CNTNAP4: variants seen among roughly 807,000 people sequenced by gnomAD.
The protein encoded by CNTNAP4 is contactin associated protein family member 4.
A neutral mutation model predicts 148.4 loss-of-function variants in CNTNAP4; 98 were observed. The ratio of observed to expected loss-of-function variants is 0.66; its 90% CI spans 0.56 to 0.78. The LOEUF is 0.78. Ranked by LOEUF, CNTNAP4 falls within the 30% of genes least tolerant of loss-of-function variation. The pLI, the probability that CNTNAP4 is intolerant of heterozygous loss-of-function variation, is 0.00. For synonymous variants in CNTNAP4, 730 were observed against 565.1 expected, an observed-to-expected ratio of 1.29 and a Z score of -4.14; for missense variants, 1,935 against 1,565.6, an observed-to-expected ratio of 1.24 and a Z score of -3.98.
chr16:76,475,764 G>T (rs762037490), intron 10 of CNTNAP4, among the ~76,000 whole-genome samples, 175 bp from the exon 11 acceptor site: 5 of 152,186 alleles, frequency 3.3e-5, no homozygotes, highest in Non-Finnish European at 5.9e-5. Context: ...GAAATCTGAT[G>T]AATTTATTGA....
At chr16:76,414,827 G>A (rs540780715) in intron 3 of CNTNAP4, among the ~76,000 whole-genome samples, 368 of 151,390 alleles carry the variant, frequency 2.4e-3, no homozygotes, top group African/African-American at 8.5e-3. Context: ...ACTCTAATGT[G>A]TATAGGATCA....
intron 15 of CNTNAP4, among the ~76,000 whole-genome samples, chr16:76,513,290 A>T (rs1214495639): frequency 6.6e-6 from 1 of 152,242 alleles, no homozygotes; most frequent in East Asian, 1.9e-4. Context: ...AAAGTTAAAG[A>T]ATGAGAAATG....
chr16:76,351,992 C>G (rs922314781), intron 2 of CNTNAP4, among the ~76,000 whole-genome samples: 1 of 152,104 alleles, frequency 6.6e-6, no homozygotes, highest in African/African-American at 2.4e-5. Context: ...TAGACCATTA[C>G]AATTAACTAG....
At chr16:76,361,398 C>A (rs1028740460) in intron 3 of CNTNAP4, among the ~76,000 whole-genome samples, 11 of 152,100 alleles carry the variant, frequency 7.2e-5, no homozygotes, top group African/African-American at 2.2e-4. Flanking sequence ...TGGCAACATG[C>A]ATTATTTGTT....
At position 76,494,915 on chromosome 16, in the gene CNTNAP4, A is replaced by G; in HGVS notation, c.2086A>G (p.Thr696Ala). 6.2e-7 allele frequency: 1 copy of G among 1,612,450 alleles called. No homozygotes were observed. The highest frequency in any genetic ancestry group is 8.5e-7 in the Non-Finnish European group (1 of 1,179,000). The stretch of plus-strand genomic sequence containing the variant: ...TTTTCACGTTTTTCTTTCAGATGGA[A>G]CCCCTCTGAGTTGGTGGGTAGGAAG... ...KSRLVNKQDG[T>A]PLSWWVGRTN... is the part of the protein sequence containing the mutation. Residue 696 changes from threonine (T) to alanine (A), a missense_variant, in exon 14 of 24, where the codon ACC (threonine) becomes GCC (alanine). Thr to Ala is a moderately conservative substitution (Grantham distance 58). Coordinates refer to ENST00000611870, the MANE Select transcript of CNTNAP4 (RefSeq NM_033401.5).
chr16:76,352,052 C>G (rs543101261), intron 2 of CNTNAP4, among the ~76,000 whole-genome samples: 5 of 152,142 alleles, frequency 3.3e-5, no homozygotes, highest in Non-Finnish European at 5.9e-5. Flanking sequence ...TATTAGCTGA[C>G]ACAGATGCAA....
chr16:76,497,876 A>G (rs73622806), intron 14 of CNTNAP4, among the ~76,000 whole-genome samples: 8,310 of 152,226 alleles, frequency 0.055, 442 homozygotes, highest in African/African-American at 0.14. Flanking sequence ...ATTTCAAAAA[A>G]TAAAAAAGAA....
At chr16:76,417,130 C>T (rs2079015724) in intron 3 of CNTNAP4, among the ~76,000 whole-genome samples, 1 of 151,370 alleles carries the variant, frequency 6.6e-6, no homozygotes, top group Admixed American at 6.6e-5. Context: ...TTGTAGACAA[C>T]ATAGCTGGGC....
intron 21 of CNTNAP4, among the ~76,000 whole-genome samples, chr16:76,549,492 C>G (rs910255183): frequency 3.4e-4 from 51 of 152,122 alleles, no homozygotes; most frequent in African/African-American, 1.1e-3. Flanking sequence ...CAAACCAACT[C>G]CAGACTTAAA....
intron 4 of CNTNAP4, among the ~76,000 whole-genome samples, chr16:76,428,219 G>A (rs2079480747): frequency 6.6e-6 from 1 of 152,056 alleles, no homozygotes; most frequent in Admixed American, 6.6e-5. Context: ...GTGAGGAAGG[G>A]ACCTAAGAGT....
intron 2 of CNTNAP4, among the ~76,000 whole-genome samples, chr16:76,351,644 T>C (rs1436575345): frequency 1.3e-5 from 2 of 152,186 alleles, no homozygotes; most frequent in Admixed American, 1.3e-4. Context: ...ACCTCATTAA[T>C]GATATAGCTT....
chr16:76,411,507 A>T (rs2078790734), intron 3 of CNTNAP4, among the ~76,000 whole-genome samples: 1 of 151,356 alleles, frequency 6.6e-6, no homozygotes, highest in Non-Finnish European at 1.5e-5. Flanking sequence ...ATTCTTAGTA[A>T]TATTAATGGT....
chr16:76,344,362 C>T (rs1964733467), intron 2 of CNTNAP4, among the ~76,000 whole-genome samples: 1 of 152,158 alleles, frequency 6.6e-6, no homozygotes, highest in African/African-American at 2.4e-5. Context: ...ATTAATTCTT[C>T]TGACCACCTA....
At chr16:76,321,614 C>T (rs1962419122) in intron 2 of CNTNAP4, among the ~76,000 whole-genome samples, 1 of 151,404 alleles carries the variant, frequency 6.6e-6, no homozygotes, top group African/African-American at 2.4e-5. Context: ...ATGGTGAAAC[C>T]CCATCTCTAC....
At chr16:76,436,112 A>C (rs2079816082) in intron 4 of CNTNAP4, among the ~76,000 whole-genome samples, 1 of 152,020 alleles carries the variant, frequency 6.6e-6, no homozygotes, top group Admixed American at 6.6e-5. Context: ...GTTCCTCAGG[A>C]GAATCAACAT....
chr16:76,442,377 T>C (rs1307261388), intron 4 of CNTNAP4, among the ~76,000 whole-genome samples: 1 of 152,184 alleles, frequency 6.6e-6, no homozygotes, highest in African/African-American at 2.4e-5. Flanking sequence ...TAAGAGACTA[T>C]GTTTGTGGTT....
intron 3 of CNTNAP4, among the ~76,000 whole-genome samples, chr16:76,370,740 A>T (rs188246929): frequency 2.7e-3 from 409 of 152,296 alleles, no homozygotes; most frequent in African/African-American, 8.8e-3. Context: ...ATAGAAGAGG[A>T]TGCAGGCAGA....
intron 15 of CNTNAP4, among the ~76,000 whole-genome samples, chr16:76,520,530 AAG>A (rs1402694441): frequency 9.2e-5 from 14 of 152,174 alleles, no homozygotes; most frequent in Non-Finnish European, 1.5e-4. Context: ...TTGGCAAAGT[AAG>A]AGATAATTTT....
At chr16:76,310,252 A>G (rs891396869) in intron 1 of CNTNAP4, among the ~76,000 whole-genome samples, 4 of 152,186 alleles carry the variant, frequency 2.6e-5, no homozygotes, top group Non-Finnish European at 4.4e-5. Flanking sequence ...AATGAACCTG[A>G]AATTTGTAGC....
Sources: allele counts gnomAD v4.1 joint callset (sites outside exome capture counted in the v4.1 genomes callset), GRCh38; gene constraint gnomAD v4.1.1; transcripts MANE v1.5; gene names NCBI Gene and HGNC (gene_info 2026-07-23, HGNC 2026-07-21).